AGBL1: variants seen among roughly 807,000 people sequenced by gnomAD.
AGBL1 encodes the protein cytosolic carboxypeptidase 4.
AGBL1 carries 130 observed loss-of-function variants against 118.9 expected under a neutral mutation model. The ratio of observed to expected loss-of-function variants is 1.09; its 90% CI spans 0.95 to 1.26. AGBL1 has a LOEUF of 1.26. Among genes scored for constraint, AGBL1 ranks in the 50% most tolerant of loss-of-function variants. The pLI, the probability that AGBL1 is intolerant of heterozygous loss-of-function variation, is 0.00. For missense variants in AGBL1, 1,584 were observed against 1,298.1 expected, an observed-to-expected ratio of 1.22 and a Z score of -3.38; for synonymous variants, 555 against 478.9, an observed-to-expected ratio of 1.16 and a Z score of -2.08.
intron 22 of AGBL1, among the ~76,000 whole-genome samples, chr15:86,866,576 G>A (rs564141379): frequency 7.0e-4 from 107 of 152,314 alleles, no homozygotes; most frequent in African/African-American, 2.5e-3. Flanking sequence ...ACCTCTGGCC[G>A]GGTGTGGTGG....
chr15:86,479,205 T>C (rs1310793037), intron 18 of AGBL1, among the ~76,000 whole-genome samples: 1 of 152,036 alleles, frequency 6.6e-6, no homozygotes, highest in Non-Finnish European at 1.5e-5. Flanking sequence ...CCAAAAGCAA[T>C]GGCAACAAAA....
Position 86,594,411 on chromosome 15 carries a change from C to T in AGBL1, c.2994+39874C>T, listed in dbSNP as rs2084379240. Among the ~76,000 whole-genome samples the T allele has an allele frequency of 1.3e-5, 2 of 152,008 alleles. 1 individual carries two copies. Among genetic ancestry groups the T allele is most frequent in the South Asian group, 4.1e-4 (2 of 4,824 alleles). ...TGTGCTCACAAAGTAATGTTAGTTT[C>T]AGAAAATGTAATAAAAAATGTTCTT... On this transcript the variant is annotated intron_variant, in intron 21 of 22. Coordinates refer to ENST00000614907, the MANE Select transcript of AGBL1 (RefSeq NM_001386094.1).
chr15:86,589,717 C>T (rs149797979), intron 21 of AGBL1, among the ~76,000 whole-genome samples: 75 of 152,210 alleles, frequency 4.9e-4, no homozygotes, highest in Admixed American at 8.5e-4. Flanking sequence ...TAATTTTCCT[C>T]CTTCCCTTCC....
chr15:86,854,781 G>T (rs1266206645), intron 22 of AGBL1, among the ~76,000 whole-genome samples: 1 of 152,104 alleles, frequency 6.6e-6, no homozygotes, highest in African/African-American at 2.4e-5. Context: ...CAGTATCTGG[G>T]TCTTATCTCC....
At chr15:87,027,011 A>C (rs2081734736) in intron 24 of AGBL1, among the ~76,000 whole-genome samples, 1 of 152,014 alleles carries the variant, frequency 6.6e-6, no homozygotes. Context: ...GATGAGAGAT[A>C]AAAGACTACA....
chr15:86,701,032 C>G (rs1241492555), intron 22 of AGBL1, among the ~76,000 whole-genome samples: 3 of 152,112 alleles, frequency 2.0e-5, no homozygotes, highest in Non-Finnish European at 2.9e-5. Flanking sequence ...GTCCTGTGCT[C>G]ATTCCCTGGA....
intron 1 of AGBL1, among the ~76,000 whole-genome samples, chr15:86,111,237 C>T (rs1424797964): frequency 1.3e-5 from 2 of 152,186 alleles, no homozygotes; most frequent in African/African-American, 4.8e-5. Context: ...GATTTCTCTC[C>T]TTTGATGGAT....
intron 21 of AGBL1, among the ~76,000 whole-genome samples, chr15:86,670,600 G>GACACACACACAC (rs9302341): frequency 0.011 from 1,531 of 133,216 alleles, 33 homozygotes; most frequent in African/African-American, 0.035. Flanking sequence ...GTGAAACTCT[G>GACACACACACAC]ACACACACAC....
chr15:87,007,535 G>A (rs900021690), intron 24 of AGBL1, among the ~76,000 whole-genome samples: 2 of 152,220 alleles, frequency 1.3e-5, no homozygotes, highest in South Asian at 2.1e-4. Context: ...TATATTGCTA[G>A]CATTAGTCTT....
intron 22 of AGBL1, among the ~76,000 whole-genome samples, chr15:86,861,205 G>T (rs1436576225): frequency 2.0e-5 from 3 of 152,138 alleles, no homozygotes; most frequent in African/African-American, 7.2e-5. Flanking sequence ...TTCATTCAAA[G>T]GTGTCTATGA....
chr15:86,839,033 C>T (rs1221860461), intron 22 of AGBL1, among the ~76,000 whole-genome samples: 1 of 149,908 alleles, frequency 6.7e-6, no homozygotes, highest in Non-Finnish European at 1.5e-5. Context: ...TTCTCTTCTT[C>T]CAGGAGAACC....
At chr15:86,397,154 T>C (rs537416714) in intron 17 of AGBL1, among the ~76,000 whole-genome samples, 5 of 151,888 alleles carry the variant, frequency 3.3e-5, no homozygotes, top group African/African-American at 1.2e-4. Flanking sequence ...TACGGTTTTT[T>C]AGATTCTGTA....
intron 23 of AGBL1, among the ~76,000 whole-genome samples, chr15:86,974,549 AATT>A (rs2081152285): frequency 7.7e-6 from 1 of 129,854 alleles, no homozygotes; most frequent in Admixed American, 8.1e-5. Context: ...AAAATTATAT[AATT>A]ATATAATATA....
chr15:86,827,496 T>C (rs866486293), intron 22 of AGBL1, among the ~76,000 whole-genome samples: 41 of 37,582 alleles, frequency 1.1e-3, no homozygotes, highest in African/African-American at 3.3e-3. Context: ...TGTGTATATA[T>C]ATATATATAT....
chr15:86,641,817 C>T (rs2085196771), intron 21 of AGBL1, among the ~76,000 whole-genome samples: 1 of 152,126 alleles, frequency 6.6e-6, no homozygotes, highest in African/African-American at 2.4e-5. Flanking sequence ...TGCAGCAATG[C>T]TGTGTAGCAA....
At chr15:86,631,638 T>G (rs1007623128) in intron 21 of AGBL1, among the ~76,000 whole-genome samples, 1 of 152,230 alleles carries the variant, frequency 6.6e-6, no homozygotes, top group African/African-American at 2.4e-5. Context: ...AGCCTGCTAA[T>G]GGAACCTCCT....
chr15:87,029,980 A>C (rs2081769037), downstream of AGBL1, among the ~76,000 whole-genome samples: 1 of 151,986 alleles, frequency 6.6e-6, no homozygotes, highest in Non-Finnish European at 1.5e-5. Flanking sequence ...GTAAAAGTGA[A>C]ATTTCATTGA....
At chr15:86,786,814 A>G (rs543374460) in intron 22 of AGBL1, among the ~76,000 whole-genome samples, 52 of 152,326 alleles carry the variant, frequency 3.4e-4, no homozygotes, top group Middle Eastern at 3.4e-3. Flanking sequence ...GAATTTATGC[A>G]TGTGTTATTA....
chr15:86,886,798 A>T lies in AGBL1; in HGVS notation c.3159-20289A>T, dbSNP rs114840883. On this transcript the variant is annotated intron_variant, in intron 22 of 22. Coordinates refer to ENST00000614907, the MANE Select transcript of AGBL1 (RefSeq NM_001386094.1). ...CCAGTCGGAGAACAGCAAGGCCCCA[A>T]CCGTATTTGAGGAGAGGTGAGAGAT... is the stretch of plus-strand genomic sequence containing the variant. Among the ~76,000 whole-genome samples the T allele has an allele frequency of 5.3e-3, 812 of 152,254 alleles. 17 individuals are homozygous for T. The highest frequency in any genetic ancestry group is 0.019 in the African/African-American group (769 of 41,548).
Sources: allele counts gnomAD v4.1 joint callset (sites outside exome capture counted in the v4.1 genomes callset), GRCh38; gene constraint gnomAD v4.1.1; transcripts MANE v1.5; gene names NCBI Gene and HGNC (gene_info 2026-07-23, HGNC 2026-07-21).